The following MACROD2 variants were observed in gnomAD, a reference collection of about 807,000 sequenced individuals.
MACROD2 encodes the protein ADP-ribose glycohydrolase MACROD2.
In MACROD2, 36 loss-of-function variants were observed where a neutral mutation model predicts 70.4. The ratio of observed to expected loss-of-function variants is 0.51; its 90% confidence interval spans 0.39 to 0.68. The LOEUF is 0.68. MACROD2 is among the 30% of genes least tolerant of loss of function. The pLI, the probability that MACROD2 is intolerant of heterozygous loss-of-function variation, is 0.00. For missense variants in MACROD2, 496 were observed against 538.4 expected (o/e 0.92, Z 0.78); for synonymous variants, 172 against 178.8 (o/e 0.96, Z 0.30).
At chr20:14,918,398 A>G (rs1265685689) in intron 5 of MACROD2, among the ~76,000 whole-genome samples, 2 of 152,280 alleles carry the variant, frequency 1.3e-5, no homozygotes, top group South Asian at 2.1e-4. Flanking sequence ...GGTTGCTTAG[A>G]AAGAAGGTAA....
chr20:15,007,260 A>T (rs902559789), intron 5 of MACROD2, among the ~76,000 whole-genome samples: 1 of 152,062 alleles, frequency 6.6e-6, no homozygotes, highest in Non-Finnish European at 1.5e-5. Context: ...GCTACTGGGG[A>T]GGCTGAGGCA....
intron 15 of MACROD2, among the ~76,000 whole-genome samples, chr20:16,014,782 C>T (rs1242295872): frequency 6.6e-6 from 1 of 152,156 alleles, no homozygotes; most frequent in Non-Finnish European, 1.5e-5. Flanking sequence ...CAAGTAAAGA[C>T]CCCGCTCTCA....
intron 4 of MACROD2, among the ~76,000 whole-genome samples, chr20:14,600,605 T>G (rs1982434329): frequency 3.3e-5 from 5 of 152,150 alleles, no homozygotes; most frequent in African/African-American, 1.2e-4. Context: ...ATTGTATTAT[T>G]TTCATTTTAC....
In MACROD2 at chr20:15,940,772, T is replaced by C. The variant is rs560282462; in HGVS notation, c.907+3228T>C. 2.0e-5 allele frequency among the ~76,000 whole-genome samples: 3 copies of C among 152,346 alleles called. No homozygotes were observed. The East Asian group carries it at 5.8e-4, about 29-fold the overall frequency. ...TGTCAAATACCCACATAGGCTCTGA[T>C]AGGAAACCCTAGGTCATCTTAGAGA... On this transcript the variant is annotated intron_variant, in intron 12 of 17. Coordinates refer to ENST00000684519, the MANE Select transcript of MACROD2 (RefSeq NM_001351661.2).
chr20:15,210,299 C>T (rs2076750404), intron 5 of MACROD2, among the ~76,000 whole-genome samples: 1 of 152,182 alleles, frequency 6.6e-6, no homozygotes, highest in Non-Finnish European at 1.5e-5. Context: ...AGTGGGACTC[C>T]AGTGGCAAAG....
At chr20:15,557,883 T>C (rs1057504048) in intron 8 of MACROD2, among the ~76,000 whole-genome samples, 1 of 152,156 alleles carries the variant, frequency 6.6e-6, no homozygotes, top group African/African-American at 2.4e-5. Context: ...TCCCCAGCCA[T>C]GTTATGTAGG....
intron 4 of MACROD2, among the ~76,000 whole-genome samples, chr20:14,505,884 A>C (rs1414621641): frequency 6.6e-6 from 1 of 152,214 alleles, no homozygotes; most frequent in African/African-American, 2.4e-5. Flanking sequence ...CAACAAAATA[A>C]AATCATAACC....
At chr20:15,887,868 A>G (rs1411678686) in intron 10 of MACROD2, among the ~76,000 whole-genome samples, 7 of 152,132 alleles carry the variant, frequency 4.6e-5, no homozygotes, top group Non-Finnish European at 1.0e-4. Context: ...TTTTCATACT[A>G]AGACTTTGAA....
chr20:14,152,919 C>T (rs905905897), intron 3 of MACROD2, among the ~76,000 whole-genome samples: 1 of 152,146 alleles, frequency 6.6e-6, no homozygotes, highest in African/African-American at 2.4e-5. Flanking sequence ...CTTACATTAA[C>T]TTTCCATTCT....
At chr20:14,207,603 A>G (rs1366078941) in intron 3 of MACROD2, among the ~76,000 whole-genome samples, 1 of 152,190 alleles carries the variant, frequency 6.6e-6, no homozygotes, top group Non-Finnish European at 1.5e-5. Context: ...TCCTTGTGAA[A>G]ACTCGACTGA....
chr20:15,191,192 T>C (rs6135362), intron 5 of MACROD2, among the ~76,000 whole-genome samples: 119,194 of 152,094 alleles, frequency 0.78, 47,129 homozygotes, highest in East Asian at 0.96. Context: ...ATGTAGAATG[T>C]ACCTCAGAAT....
intron 2 of MACROD2, among the ~76,000 whole-genome samples, chr20:14,083,122 A>T (rs1305298820): frequency 3.2e-3 from 4 of 1,246 alleles, no homozygotes; most frequent in Non-Finnish European, 5.1e-3. Context: ...TCACCTTTGT[A>T]AAAAAAAAAA....
intron 5 of MACROD2, among the ~76,000 whole-genome samples, chr20:14,823,624 T>G (rs1284954002): frequency 6.6e-6 from 1 of 151,926 alleles, no homozygotes; most frequent in Non-Finnish European, 1.5e-5. Flanking sequence ...TTACAAAGAG[T>G]CTTTCTGTGG....
chr20:14,357,131 AG>A (rs1443474453), intron 3 of MACROD2, among the ~76,000 whole-genome samples: 3 of 152,198 alleles, frequency 2.0e-5, no homozygotes, highest in African/African-American at 7.2e-5. Context: ...TGTCTATGTG[AG>A]GAGTGTTGGG....
At chr20:15,091,854 A>G (rs2075795397) in intron 5 of MACROD2, among the ~76,000 whole-genome samples, 1 of 152,172 alleles carries the variant, frequency 6.6e-6, no homozygotes, top group Admixed American at 6.5e-5. Flanking sequence ...TGCATTATTC[A>G]CTAGTACTAT....
At chr20:14,220,968 A>G (rs2081668222) in intron 3 of MACROD2, among the ~76,000 whole-genome samples, 1 of 152,144 alleles carries the variant, frequency 6.6e-6, no homozygotes, top group South Asian at 2.1e-4. Context: ...ATCTGATGCT[A>G]AAATTCACAG....
intron 3 of MACROD2, among the ~76,000 whole-genome samples, chr20:14,317,193 C>T (rs1382546016): frequency 1.3e-5 from 2 of 152,162 alleles, no homozygotes; most frequent in South Asian, 2.1e-4. Context: ...CTTTATCTCT[C>T]GGGTCTTAGG....
intron 8 of MACROD2, among the ~76,000 whole-genome samples, chr20:15,705,078 C>T (rs190874692): frequency 2.6e-5 from 4 of 152,232 alleles, no homozygotes; most frequent in African/African-American, 7.2e-5. Context: ...AAGTTTTCTC[C>T]TTTCAAAATA....
chr20:15,735,513 G>C (rs970225240), intron 8 of MACROD2, among the ~76,000 whole-genome samples: 9 of 152,300 alleles, frequency 5.9e-5, no homozygotes, highest in African/African-American at 2.2e-4. Context: ...TGAGAAATCA[G>C]AAGGGTATTG....
Sources: gnomAD v4.1 joint callset for allele counts (sites outside exome capture counted in the v4.1 genomes callset) on GRCh38, gnomAD v4.1.1 for gene constraint, MANE v1.5 for transcripts, NCBI Gene and HGNC (gene_info 2026-07-23, HGNC 2026-07-21) for gene names.